The following GRTP1 variants were observed in gnomAD, a reference collection of about 807,000 sequenced individuals.
The protein encoded by GRTP1 is growth hormone-regulated TBC protein 1.
In GRTP1, 56 loss-of-function variants were observed where a neutral mutation model predicts 38.1. That is an observed-to-expected ratio of 1.47 (90% CI 1.19 to 1.84). The LOEUF is 1.84. Ranked by LOEUF, GRTP1 falls within the 40% of genes most tolerant of loss-of-function variation. The pLI is 0.00. For synonymous variants in GRTP1, 217 were observed against 189.5 expected (o/e 1.14, Z -1.19); for missense variants, 506 against 453.9 (o/e 1.11, Z -1.04).
chr13:113,345,205 C>G (rs528283587), intron 4 of GRTP1, among the ~76,000 whole-genome samples: 1 of 152,284 alleles, frequency 6.6e-6, no homozygotes, highest in African/African-American at 2.4e-5. Flanking sequence ...ATCCTGAATA[C>G]TAAAATCAAA....
intron 5 of GRTP1, among the ~76,000 whole-genome samples, chr13:113,336,282 C>T (rs2042952385): frequency 7.2e-6 from 1 of 139,260 alleles, no homozygotes; most frequent in Non-Finnish European, 1.5e-5. Context: ...ACACACCCAG[C>T]AGTGGGAATA....
chr13:113,362,822 C>T lies in GRTP1; in HGVS notation c.181+940G>A, dbSNP rs562082968. 2.1e-3 allele frequency among the ~76,000 whole-genome samples: 323 copies of T among 152,208 alleles called. 2 individuals carry two copies. Among genetic ancestry groups the T allele is most frequent in the Middle Eastern group, 0.01 (3 of 294 alleles). On this transcript the variant is annotated intron_variant, in intron 2 of 7. Transcript: ENST00000375431. ...TGGAAGCCCAGCTGCCATTCACATCCCCCTTCTCAGGAAGCCCCCAGGACT... is the reference window on the plus strand; with the variant it reads ...TGGAAGCCCAGCTGCCATTCACATCTCCCTTCTCAGGAAGCCCCCAGGACT...
chr13:113,363,839 T>C lies in GRTP1; in HGVS notation c.104A>G (p.Tyr35Cys). ...DAAYEKFFSSYLVTLTRRAIK... is the reference protein window; with the variant it reads ...DAAYEKFFSSCLVTLTRRAIK... ...CGCCCTGCGGGTGAGCGTGACCAGG[T>C]AGCTGGAGAAAAACTTCTCGTAGGC... The change falls in exon 2 of 8, where the codon TAC (tyrosine) becomes TGC (cysteine). Residue 35 changes from tyrosine (Y) to cysteine (C), a missense_variant. Tyr to Cys is a radical substitution (Grantham distance 194). Coordinates refer to ENST00000375431, the MANE Select transcript of GRTP1 (RefSeq NM_024719.4). 6.2e-7 allele frequency: 1 copy of C among 1,611,632 alleles called. No homozygotes were observed. Among genetic ancestry groups the C allele is most frequent in the Non-Finnish European group, 8.5e-7 (1 of 1,179,496 alleles).
intron 2 of GRTP1, among the ~76,000 whole-genome samples, chr13:113,362,539 G>C (rs2043517402): frequency 6.6e-6 from 1 of 152,186 alleles, no homozygotes; most frequent in Admixed American, 6.5e-5. Flanking sequence ...GGGAGGCTGA[G>C]AGGGGAGGAT....
At chr13:113,336,987 G>A (rs2042963752) in intron 5 of GRTP1, among the ~76,000 whole-genome samples, 1 of 152,182 alleles carries the variant, frequency 6.6e-6, no homozygotes. Context: ...TAACAGACCT[G>A]TTACATGTCA....
chr13:113,338,533 G>T (rs1372300500), intron 5 of GRTP1, among the ~76,000 whole-genome samples: 1 of 152,076 alleles, frequency 6.6e-6, no homozygotes. Context: ...CCTGAGATGG[G>T]ATCTCAGCCC....
chr13:113,325,522 C>G, intron 7 of GRTP1, 139 bp downstream of exon 7: 2 of 1,528,478 alleles, frequency 1.3e-6, no homozygotes, highest in Admixed American at 4.2e-5. Context: ...AGATGCAGGA[C>G]AGAGCTGGAG....
At chr13:113,347,561 A>T (rs1280962996) in intron 4 of GRTP1, among the ~76,000 whole-genome samples, 16 of 82,854 alleles carry the variant, frequency 1.9e-4, no homozygotes, top group African/African-American at 5.0e-4. Context: ...TCTGTGGCAG[A>T]GAGCAGACCC....
chr13:113,342,791 C>G lies in GRTP1; in HGVS notation c.562+2072G>C, dbSNP rs537426744. ...AATAACCCCCTTTTCCTCCCATGAT[C>G]CTAACAGTTTAGTTTTTGTACTTTC... On this transcript the variant is annotated intron_variant, in intron 5 of 7. Transcript: ENST00000375431. This position sits in a 1 kb window ranked among gnomAD's most constrained non-coding sequence, Gnocchi z 4.5. Among the ~76,000 whole-genome samples, 18 of 152,302 alleles carry G rather than the reference C, an allele frequency of 1.2e-4. No homozygotes were observed. In the South Asian group the frequency reaches 3.7e-3, roughly 32 times the overall value.
chr13:113,327,510 A>T (rs187663948), intron 5 of GRTP1, among the ~76,000 whole-genome samples: 1 of 152,358 alleles, frequency 6.6e-6, no homozygotes, highest in East Asian at 1.9e-4. Flanking sequence ...TGGTTAAAAT[A>T]GAACCATCAC....
chr13:113,339,763 C>A (rs2043001482), intron 5 of GRTP1: 2 of 152,212 alleles, frequency 1.3e-5, no homozygotes, highest in Non-Finnish European at 2.9e-5. Context: ...TTCTTTCAAG[C>A]CTTCTTGGCT....
intron 4 of GRTP1, among the ~76,000 whole-genome samples, chr13:113,350,481 A>AG (rs1312831879): frequency 4.6e-5 from 6 of 129,870 alleles, no homozygotes; most frequent in Non-Finnish European, 6.5e-5. Context: ...CATATCCCAT[A>AG]CACACACCCC....
At chr13:113,326,377 TGGGGGGGGGGGGGGC>T (rs1201437032) in intron 5 of GRTP1, among the ~76,000 whole-genome samples, 2 of 2,248 alleles carry the variant, frequency 8.9e-4, no homozygotes, top group Admixed American at 9.0e-3. Context: ...GGTGGCGCGG[TGGGGGGGGGGGGGGC>T]GGGAGCGTGG....
intron 5 of GRTP1, 167 bp from the exon 6 acceptor site, chr13:113,326,258 G>A (rs957032513): frequency 1.5e-5 from 5 of 337,100 alleles, no homozygotes; most frequent in African/African-American, 2.2e-5. Flanking sequence ...GCAGACACAG[G>A]GCTCATGGGG....
chr13:113,347,976 G>C lies in GRTP1; in HGVS notation c.465+2873C>G, dbSNP rs147762384. On this transcript the variant is annotated intron_variant, in intron 4 of 7. Transcript: ENST00000375431. ...CGGACCCGGGAGGACCTCTGTGGCC[G>C]AGAGCAGACCTGGGAGGACCTGTGT... 4.3e-3 allele frequency among the ~76,000 whole-genome samples: 637 copies of C among 149,852 alleles called. 5 individuals are homozygous for C. Among genetic ancestry groups the C allele is most frequent in the Middle Eastern group, 0.017 (5 of 292 alleles).
intron 4 of GRTP1, among the ~76,000 whole-genome samples, chr13:113,347,673 T>A (rs1376851074): frequency 8.1e-5 from 6 of 73,812 alleles, no homozygotes; most frequent in East Asian, 2.8e-4. Context: ...AGGACCTCTG[T>A]GGCAGAGAGC....
At chr13:113,338,742 A>G (rs991801908) in intron 5 of GRTP1, among the ~76,000 whole-genome samples, 6 of 152,284 alleles carry the variant, frequency 3.9e-5, no homozygotes, top group East Asian at 1.9e-4. Flanking sequence ...TGGCTGCAGA[A>G]GGCTCCACTC....
chr13:113,353,288 G>A (rs2043319269), intron 3 of GRTP1, among the ~76,000 whole-genome samples: 1 of 152,232 alleles, frequency 6.6e-6, no homozygotes, highest in Non-Finnish European at 1.5e-5. Flanking sequence ...TGAAAGCAGG[G>A]ACCCAGCAGA....
intron 5 of GRTP1, among the ~76,000 whole-genome samples, chr13:113,334,032 G>A (rs1278133428): frequency 6.6e-6 from 1 of 151,798 alleles, no homozygotes; most frequent in Non-Finnish European, 1.5e-5. Flanking sequence ...ATGAGGTTTC[G>A]CCATACTGGC....
Sources: allele counts gnomAD v4.1 joint callset (sites outside exome capture counted in the v4.1 genomes callset), GRCh38; gene constraint gnomAD v4.1.1; non-coding constraint Gnocchi (gnomAD v3.1); transcripts MANE v1.5; gene names NCBI Gene and HGNC (gene_info 2026-07-23, HGNC 2026-07-21).